Variants in DENND2C observed in about 807,000 individuals in gnomAD.
The protein encoded by DENND2C is DENN domain containing 2C, also known as DENN domain-containing protein 2C.
In DENND2C, 72 loss-of-function variants were observed where a neutral mutation model predicts 112.4. The observed-to-expected ratio is 0.64, with a 90% confidence interval of 0.53 to 0.78. DENND2C has a LOEUF of 0.78. Ranked by LOEUF, DENND2C falls within the 30% of genes least tolerant of loss-of-function variation. The pLI is 0.00. For missense variants in DENND2C, 992 were observed against 1,113.8 expected (o/e 0.89, Z 1.56); for synonymous variants, 329 against 381.6 (o/e 0.86, Z 1.61).
chr1:114,611,397 C>T (rs981169458), intron 8 of DENND2C, among the ~76,000 whole-genome samples: 8 of 99,836 alleles, frequency 8.0e-5, no homozygotes, highest in Admixed American at 2.0e-4. Flanking sequence ...GCATTTCAGA[C>T]CAGTTTTAAG....
chr1:114,633,924 T>A (rs1185123345), intron 3 of DENND2C, among the ~76,000 whole-genome samples: 1 of 152,198 alleles, frequency 6.6e-6, no homozygotes, highest in Non-Finnish European at 1.5e-5. Context: ...AAGAGATAGA[T>A]CTGTTAAAGA....
At position 114,600,968 on chromosome 1, in the gene DENND2C, C is replaced by T. The variant is rs759896387; in HGVS notation, c.1816-8G>A. 1.6e-5 allele frequency: 25 copies of T among 1,608,352 alleles called. No individual in the cohort carries two copies. The highest frequency in any genetic ancestry group is 6.7e-5 in the South Asian group (6 of 90,056). On this transcript the variant is annotated splice_polypyrimidine_tract_variant and splice_region_variant and intron_variant, in intron 13 of 20. Coordinates refer to ENST00000393274, the MANE Select transcript of DENND2C (RefSeq NM_001256404.2). Reference sequence around the variant, plus strand: ...CTCTACTTCATCCAGAATCTATATACGCAAAGTGTTATTTTATTATGGACT... The same window carrying T: ...CTCTACTTCATCCAGAATCTATATATGCAAAGTGTTATTTTATTATGGACT...
intron 1 of DENND2C, among the ~76,000 whole-genome samples, chr1:114,655,117 T>C (rs893072883): frequency 6.6e-6 from 1 of 152,162 alleles, no homozygotes; most frequent in Admixed American, 6.6e-5. Flanking sequence ...GAAGAATGGA[T>C]ATTAGATTAG....
chr1:114,624,385 T>C (rs1271665144), intron 4 of DENND2C, among the ~76,000 whole-genome samples: 1 of 152,206 alleles, frequency 6.6e-6, no homozygotes, highest in African/African-American at 2.4e-5. Flanking sequence ...CACTGTAGCC[T>C]GAGCTTTTGG....
chr1:114,618,319 T>A, intron 8 of DENND2C, 67 bp downstream of exon 8: 1 of 1,208,830 alleles, frequency 8.3e-7, no homozygotes. Flanking sequence ...AAACATTAAG[T>A]TATATGGTGA....
intron 16 of DENND2C, 49 bp downstream of exon 16, chr1:114,599,225 A>G (rs182641287): frequency 6.9e-7 from 1 of 1,444,724 alleles, no homozygotes; most frequent in East Asian, 2.3e-5. Context: ...AAGATCACTT[A>G]TTTTTACTTC....
intron 10 of DENND2C, among the ~76,000 whole-genome samples, chr1:114,606,080 C>T (rs1655650687): frequency 6.6e-6 from 1 of 152,070 alleles, no homozygotes; most frequent in Admixed American, 6.6e-5. Flanking sequence ...CTTTTAATTT[C>T]TTTTTTGTTG....
chr1:114,644,437 C>T (rs529535341), intron 3 of DENND2C, among the ~76,000 whole-genome samples: 7 of 152,154 alleles, frequency 4.6e-5, no homozygotes, highest in Non-Finnish European at 1.0e-4. Flanking sequence ...ATGACAAAAT[C>T]CTAAATATAA....
intron 3 of DENND2C, 76 bp from the exon 4 acceptor site, chr1:114,626,264 C>A (rs1343284354): frequency 6.3e-6 from 2 of 319,938 alleles, no homozygotes; most frequent in East Asian, 5.9e-5. Flanking sequence ...ACATTGCCCA[C>A]CTATCCCTAC....
Position 114,593,630 on chromosome 1 carries a change from A to T in DENND2C, c.2431+843T>A, listed in dbSNP as rs559787457. On this transcript the variant is annotated intron_variant, in intron 18 of 20. Coordinates refer to ENST00000393274, the MANE Select transcript of DENND2C (RefSeq NM_001256404.2). ...TGAGACCCTGTCTCTACAAAAAATA[A>T]AAAGATTAGCTAGGTGTGGTGGTGC... 8.5e-5 allele frequency among the ~76,000 whole-genome samples: 13 copies of T among 152,148 alleles called. No individual in the cohort carries two copies. The South Asian group carries it at 1.9e-3, about 22-fold the overall frequency.
rs1654943637 is a variant in DENND2C, at chr1:114,583,136, A to AAATGGAG, written c.*2457_*2463dup. 6.6e-6 allele frequency: 1 copy of AAATGGAG among 152,208 alleles called. No homozygotes were observed. Among genetic ancestry groups the AAATGGAG allele is most frequent in the African/African-American group, 2.4e-5 (1 of 41,444 alleles). The allele number at this position is 152,208 out of a possible 1,614,324, so 9.4% of individuals were successfully genotyped here. Reference sequence around the variant, plus strand: ...CTGGGTTGGAGTGTAAGAAGAGACCAAATGGAGAGATGTCTAGTAGAAGCC... The same window carrying AAATGGAG: ...CTGGGTTGGAGTGTAAGAAGAGACCAAATGGAGAATGGAGAGATGTCTAGTAGAAGCC... On this transcript the variant is annotated 3_prime_UTR_variant, in exon 21 of 21. Transcript: ENST00000393274.
At chr1:114,651,824 G>T (rs953882041) in intron 2 of DENND2C, among the ~76,000 whole-genome samples, 8 of 152,224 alleles carry the variant, frequency 5.3e-5, no homozygotes, top group Non-Finnish European at 2.9e-5. Flanking sequence ...AAGTAAGGCA[G>T]GCACACTTGC....
chr1:114,601,469 A>G, intron 13 of DENND2C, 39 bp downstream of exon 13: 1 of 1,586,102 alleles, frequency 6.3e-7, no homozygotes, highest in Non-Finnish European at 8.6e-7. Context: ...AAGAGCTCAA[A>G]AAGGACACCA....
rs944107249 is a variant in DENND2C at position 114,584,614 on chromosome 1, C to T, written c.*986G>A. ...AAAATGGAGATGCAAATATCTATCTCATAAGGTTGATTTAAGGATTGGTTG... is the reference window on the plus strand; with the variant it reads ...AAAATGGAGATGCAAATATCTATCTTATAAGGTTGATTTAAGGATTGGTTG... On this transcript the variant is annotated 3_prime_UTR_variant, in exon 21 of 21. Coordinates refer to ENST00000393274, the MANE Select transcript of DENND2C (RefSeq NM_001256404.2). 3 of 152,100 alleles carry T rather than the reference C, an allele frequency of 2.0e-5. No individual in the cohort carries two copies. Among genetic ancestry groups the T allele is most frequent in the Admixed American group, 6.6e-5 (1 of 15,266 alleles). The allele number at this position is 152,100 out of a possible 1,614,324, so 9.4% of individuals were successfully genotyped here.
At chr1:114,656,401 C>CT (rs776761733) in intron 1 of DENND2C, among the ~76,000 whole-genome samples, 61,415 of 138,472 alleles carry the variant, frequency 0.44, 13,876 homozygotes, top group African/African-American at 0.52. Flanking sequence ...TTCTTTCTTT[C>CT]TTTTTTTTTT....
chr1:114,633,449 A>G (rs1243288939), intron 3 of DENND2C, among the ~76,000 whole-genome samples: 1 of 150,210 alleles, frequency 6.7e-6, no homozygotes, highest in Non-Finnish European at 1.5e-5. Flanking sequence ...CAAAAAAAAA[A>G]AAAAAAAAAA....
Position 114,587,445 on chromosome 1 carries a change from A to G in DENND2C, c.2697T>C (p.Tyr899=), listed in dbSNP as rs1655067745. 1.2e-6 allele frequency: 2 copies of G among 1,614,200 alleles called. No individual in the cohort carries two copies. Among genetic ancestry groups the G allele is most frequent in the Non-Finnish European group, 8.5e-7 (1 of 1,180,034 alleles). The change falls in exon 20 of 21, where the codon TAT becomes TAC. Residue 899 remains tyrosine, a synonymous_variant. Coordinates refer to ENST00000393274, the MANE Select transcript of DENND2C (RefSeq NM_001256404.2). ...GCTCCGACTCAGGAATTGTTTCCAA[A>G]TACTGGATGGCCCGGATCTCAAACA... ...KGLFEIRAIQ[Y]LETIPESEPS...
At position 114,585,497 on chromosome 1, in the gene DENND2C, A is replaced by G; in HGVS notation, c.*103T>C. Reference sequence around the variant, plus strand: ...CTGACTCGCTCTTTAACCTTTTAAAATTTCAAGAATTTTGTAGAATACTTC... The same window carrying G: ...CTGACTCGCTCTTTAACCTTTTAAAGTTTCAAGAATTTTGTAGAATACTTC... On this transcript the variant is annotated 3_prime_UTR_variant, in exon 21 of 21. Coordinates refer to ENST00000393274, the MANE Select transcript of DENND2C (RefSeq NM_001256404.2). 1 of 1,326,570 alleles carries G rather than the reference A, an allele frequency of 7.5e-7. No individual in the cohort carries two copies. The highest frequency in any genetic ancestry group is 1.3e-5 in the South Asian group (1 of 79,350). The allele number at this position is 1,326,570 out of a possible 1,614,324, so 82.2% of individuals were successfully genotyped here. A position where few individuals can be genotyped will look rare whatever the true frequency, so the allele number is the denominator to read the frequency against.
intron 3 of DENND2C, among the ~76,000 whole-genome samples, chr1:114,637,082 T>G (rs1656677032): frequency 8.1e-6 from 1 of 123,328 alleles, no homozygotes; most frequent in Non-Finnish European, 1.7e-5. Flanking sequence ...CTGTCTTTAC[T>G]AAAACAAAAC....
Sources: gnomAD v4.1 joint callset for allele counts (sites outside exome capture counted in the v4.1 genomes callset) on GRCh38, gnomAD v4.1.1 for gene constraint, MANE v1.5 for transcripts, NCBI Gene and HGNC (gene_info 2026-07-23, HGNC 2026-07-21) for gene names.